The following MDM4 variants were observed in gnomAD, a reference collection of about 807,000 sequenced individuals.
The protein encoded by MDM4 is MDM4 regulator of p53.
In MDM4, 2 loss-of-function variants were observed where a neutral mutation model predicts 60.2. The ratio of observed to expected loss-of-function variants is 0.03; its 90% CI spans 0.01 to 0.10. The LOEUF (loss-of-function observed/expected upper bound fraction) is 0.10. Among genes scored for constraint, MDM4 ranks in the 10% least tolerant of loss-of-function variants. The pLI, the probability that MDM4 is intolerant of heterozygous loss-of-function variation, is 1.00. For synonymous variants in MDM4, 202 were observed against 198.1 expected, an observed-to-expected ratio of 1.02 and a Z score of -0.17; for missense variants, 447 against 577.5, an observed-to-expected ratio of 0.77 and a Z score of 2.32.
At position 204,556,205 on chromosome 1, in the gene MDM4, C is replaced by T. The variant is rs976881974; in HGVS notation, c.*6523C>T. The T allele has an allele frequency of 8.9e-6, 2 of 225,688 alleles. No individual in the cohort carries two copies. The highest frequency in any genetic ancestry group is 5.7e-5 in the Admixed American group (1 of 17,500). The allele number at this position is 225,688 out of a possible 1,614,324, so 14.0% of individuals were successfully genotyped here. A position where few individuals can be genotyped will look rare whatever the true frequency, so the allele number is the denominator to read the frequency against. On this transcript the variant is annotated 3_prime_UTR_variant, in exon 11 of 11. Coordinates refer to ENST00000367182, the MANE Select transcript of MDM4 (RefSeq NM_002393.5). ...TTTATACCAAAGACCCTTATCAGCCCTTGTAACTACAGTATCTTTAGATAA... is the reference window on the plus strand; with the variant it reads ...TTTATACCAAAGACCCTTATCAGCCTTTGTAACTACAGTATCTTTAGATAA...
intron 10 of MDM4, among the ~76,000 whole-genome samples, chr1:204,547,898 T>G (rs537690415): frequency 2.0e-5 from 3 of 152,332 alleles, no homozygotes; most frequent in African/African-American, 7.2e-5. Context: ...TAATTTTGTA[T>G]TTTTAGTAGA....
At chr1:204,521,276 T>G (rs1659545046) in intron 1 of MDM4, among the ~76,000 whole-genome samples, 1 of 152,258 alleles carries the variant, frequency 6.6e-6, no homozygotes, top group African/African-American at 2.4e-5. Flanking sequence ...ACAGTCATTT[T>G]ATTTATTTTT....
At chr1:204,534,875 C>T (rs1435384444) in intron 5 of MDM4, among the ~76,000 whole-genome samples, 1 of 151,920 alleles carries the variant, frequency 6.6e-6, no homozygotes, top group Non-Finnish European at 1.5e-5. Flanking sequence ...TTCTCTATAC[C>T]CTTTATCCAG....
In MDM4 at chr1:204,556,961, GAGTTA is replaced by G. The variant is rs898540836; in HGVS notation, c.*7283_*7287del. 5 of 209,042 alleles carry G rather than the reference GAGTTA, an allele frequency of 2.4e-5. No homozygotes were observed. Among genetic ancestry groups the G allele is most frequent in the Non-Finnish European group, 4.9e-5 (5 of 102,828 alleles). The allele number at this position is 209,042 out of a possible 1,614,324, so 12.9% of individuals were successfully genotyped here. On this transcript the variant is annotated 3_prime_UTR_variant, in exon 11 of 11. Transcript: ENST00000367182. ...ATTAAGTGCCTCTTGGGTAGAGGTAGAGTTAAGTATTGAGTGCCAGTCTTGACGTC... is the reference window on the plus strand; with the variant it reads ...ATTAAGTGCCTCTTGGGTAGAGGTAGAGTATTGAGTGCCAGTCTTGACGTC...
chr1:204,543,967 A>G (rs1662389875), intron 8 of MDM4, among the ~76,000 whole-genome samples: 1 of 152,224 alleles, frequency 6.6e-6, no homozygotes, highest in South Asian at 2.1e-4. Context: ...TGAGTATTTA[A>G]TAGTGTGCAA....
At position 204,530,827 on chromosome 1, in the gene MDM4, G is replaced by T; in HGVS notation, c.287+10G>T. Reference sequence around the variant, plus strand: ...CCGTGAAAGACCCAAGGTAAAAACAGTGAGGGCTTGCGTATCTTTTTGGGT... The same window carrying T: ...CCGTGAAAGACCCAAGGTAAAAACATTGAGGGCTTGCGTATCTTTTTGGGT... On this transcript the variant is annotated intron_variant, in intron 4 of 10. Coordinates refer to ENST00000367182, the MANE Select transcript of MDM4 (RefSeq NM_002393.5). 3 of 1,614,142 alleles carry T rather than the reference G, an allele frequency of 1.9e-6. No homozygotes were observed. The highest frequency in any genetic ancestry group is 2.5e-6 in the Non-Finnish European group (3 of 1,179,992).
At chr1:204,540,294 A>AC (rs1661918587) in intron 7 of MDM4, among the ~76,000 whole-genome samples, 1 of 150,048 alleles carries the variant, frequency 6.7e-6, no homozygotes, top group Non-Finnish European at 1.5e-5. Context: ...CAAAAAAAAA[A>AC]CAAAAGGGAA....
chr1:204,528,988 C>T, intron 3 of MDM4: 2 of 1,534,706 alleles, frequency 1.3e-6, no homozygotes, highest in Non-Finnish European at 1.8e-6. Flanking sequence ...AGCTGTCTGG[C>T]AGGATTGACA....
chr1:204,516,605 G>C (rs2102266087), intron 1 of MDM4, 96 bp downstream of exon 1: 1 of 152,466 alleles, frequency 6.6e-6, no homozygotes, highest in East Asian at 1.9e-4. Flanking sequence ...GTAGCGGGCG[G>C]GAGGAGCTTG....
chr1:204,536,235 G>T (rs958276837), intron 5 of MDM4, among the ~76,000 whole-genome samples: 5 of 152,190 alleles, frequency 3.3e-5, no homozygotes, highest in Admixed American at 3.3e-4. Context: ...CAGGGTGACA[G>T]AGCAAGACTC....
chr1:204,556,662 A>G lies in MDM4; in HGVS notation c.*6980A>G, dbSNP rs190876924. On this transcript the variant is annotated 3_prime_UTR_variant, in exon 11 of 11. Transcript: ENST00000367182. ...AGTGAGCTGAGATGGCACCACTGCA[A>G]TCCAAGGTGGGTGACAGAGACGCTG... 8.6e-5 allele frequency: 18 copies of G among 208,332 alleles called. No individual in the cohort carries two copies. The East Asian group carries it at 1.1e-3, about 13-fold the overall frequency. 12.9% of individuals were successfully genotyped at this position (208,332 alleles called of 1,614,324 possible).
chr1:204,538,221 G>A lies in MDM4; in HGVS notation c.424G>A (p.Glu142Lys). 6.2e-7 allele frequency: 1 copy of A among 1,605,446 alleles called. No homozygotes were observed. The change falls in exon 7 of 11, where the codon GAA becomes AAA. Residue 142 changes from glutamate to lysine, a missense_variant. By Grantham distance (56) the Glu-to-Lys change is moderately conservative. Coordinates refer to ENST00000367182, the MANE Select transcript of MDM4 (RefSeq NM_002393.5). ...TCCCTTCTTTCAGCAAAGTGCAGAG[G>A]AAAGTTCCACTTCCAGAAAAAGAAC... is the stretch of plus-strand genomic sequence containing the variant. Reference protein sequence around the residue: ...SQDQLKQSAEESSTSRKRTTE... With the variant: ...SQDQLKQSAEKSSTSRKRTTE...
intron 4 of MDM4, 139 bp downstream of exon 4, chr1:204,530,956 G>C (rs1488357439): frequency 9.1e-7 from 1 of 1,096,820 alleles, no homozygotes; most frequent in Non-Finnish European, 1.3e-6. Flanking sequence ...GAGGCACTGA[G>C]AATATGGTAA....
chr1:204,521,671 T>C lies in MDM4; in HGVS notation c.-35-3813T>C, dbSNP rs530055733. ...CACCTGCTGCATTCTATTTATTAAGTCATAGGGCCAGTTAGGGAGCGTGGT... is the reference window on the plus strand; with the variant it reads ...CACCTGCTGCATTCTATTTATTAAGCCATAGGGCCAGTTAGGGAGCGTGGT... On this transcript the variant is annotated intron_variant, in intron 1 of 10. Coordinates refer to ENST00000367182, the MANE Select transcript of MDM4 (RefSeq NM_002393.5). Among the ~76,000 whole-genome samples, 3 of 152,322 alleles carry C rather than the reference T, an allele frequency of 2.0e-5. No individual in the cohort carries two copies. In the East Asian group the frequency reaches 5.8e-4, roughly 29 times the overall value.
At chr1:204,538,434 CT>C in intron 7 of MDM4, 126 bp downstream of exon 7, 1 of 629,680 alleles carries the variant, frequency 1.6e-6, no homozygotes, top group Non-Finnish European at 2.8e-6. Flanking sequence ...TTCTGAAAAC[CT>C]TTTTATCAGC....
chr1:204,517,982 T>G (rs1365594391), intron 1 of MDM4, among the ~76,000 whole-genome samples: 1 of 151,910 alleles, frequency 6.6e-6, no homozygotes. Flanking sequence ...GGCAACAAAC[T>G]GAGCCCCATC....
Position 204,538,769 on chromosome 1 carries a change from G to A in MDM4, c.511+461G>A, listed in dbSNP as rs949388248. Among the ~76,000 whole-genome samples, 6 of 150,302 alleles carry A rather than the reference G, an allele frequency of 4.0e-5. No individual in the cohort carries two copies. The East Asian group carries it at 5.9e-4, about 15-fold the overall frequency. On this transcript the variant is annotated intron_variant, in intron 7 of 10. Transcript: ENST00000367182. ...CACCCAGGTTGGAGTGCAGCAGTGC[G>A]ATCTCAGCTCACTGCGACCTCCACC...
intron 4 of MDM4, 137 bp downstream of exon 4, chr1:204,530,954 G>T (rs1189775936): frequency 1.8e-6 from 2 of 1,111,388 alleles, no homozygotes; most frequent in African/African-American, 3.1e-5. Context: ...ATGAGGCACT[G>T]AGAATATGGT....
intron 7 of MDM4, 125 bp downstream of exon 7, chr1:204,538,433 C>T: frequency 1.6e-6 from 1 of 632,526 alleles, no homozygotes; most frequent in South Asian, 1.9e-5. Flanking sequence ...TTTCTGAAAA[C>T]CTTTTTATCA....
Sources: allele counts gnomAD v4.1 joint callset (sites outside exome capture counted in the v4.1 genomes callset), GRCh38; gene constraint gnomAD v4.1.1; transcripts MANE v1.5; gene names NCBI Gene and HGNC (gene_info 2026-07-23, HGNC 2026-07-21).